The following CDH1 variants were observed in gnomAD, a reference collection of about 807,000 sequenced individuals.
CDH1 encodes the protein cadherin 1, also known as cadherin-1.
In CDH1, 35 loss-of-function variants were observed where a neutral mutation model predicts 84.5. The ratio of observed to expected loss-of-function variants is 0.41; its 90% confidence interval spans 0.32 to 0.55. The LOEUF is 0.55. CDH1 is among the 20% of genes least tolerant of loss of function. The probability of loss-of-function intolerance (pLI) is 0.19; values close to 1 mark genes in which losing one functional copy is unlikely to be tolerated. For synonymous variants in CDH1, 417 were observed against 439.0 expected (o/e 0.95, Z 0.63); for missense variants, 994 against 1,126.6 (o/e 0.88, Z 1.68).
chr16:68,773,760 G>A (rs1258376176), intron 2 of CDH1, among the ~76,000 whole-genome samples: 1 of 152,198 alleles, frequency 6.6e-6, no homozygotes, highest in Non-Finnish European at 1.5e-5. Flanking sequence ...GATGGGAGGT[G>A]GCACAGCCAA....
At chr16:68,754,140 C>T (rs573452162) in intron 2 of CDH1, among the ~76,000 whole-genome samples, 5 of 142,230 alleles carry the variant, frequency 3.5e-5, no homozygotes, top group Non-Finnish European at 7.7e-5. Flanking sequence ...AAAAATTATT[C>T]GGCAGGGCAC....
intron 2 of CDH1, among the ~76,000 whole-genome samples, chr16:68,798,006 G>T (rs537767231): frequency 1.3e-5 from 2 of 152,116 alleles, no homozygotes; most frequent in East Asian, 3.9e-4. Flanking sequence ...TTGAATCTGG[G>T]AGGCAGAGGT....
At chr16:68,740,356 C>A (rs899071716) in intron 2 of CDH1, among the ~76,000 whole-genome samples, 2 of 152,086 alleles carry the variant, frequency 1.3e-5, no homozygotes, top group East Asian at 3.9e-4. Context: ...AGTATATTTG[C>A]TCTGTGTGCT....
intron 2 of CDH1, among the ~76,000 whole-genome samples, chr16:68,757,267 T>G (rs1394470127): frequency 1.3e-5 from 2 of 152,076 alleles, no homozygotes; most frequent in Non-Finnish European, 2.9e-5. Context: ...TTTTGTATTT[T>G]TAGTAGAGAC....
chr16:68,764,877 C>T (rs1959322918), intron 2 of CDH1, among the ~76,000 whole-genome samples: 2 of 152,186 alleles, frequency 1.3e-5, no homozygotes, highest in Admixed American at 6.5e-5. Context: ...ATCTCTGGCT[C>T]CTAGTGCGGT....
intron 11 of CDH1, among the ~76,000 whole-genome samples, chr16:68,821,331 C>G (rs745593488): frequency 6.6e-6 from 1 of 151,962 alleles, no homozygotes; most frequent in Non-Finnish European, 1.5e-5. Context: ...AAAAACTAGC[C>G]AAGCATGGTG....
At chr16:68,800,329 T>C (rs537295587) in intron 2 of CDH1, among the ~76,000 whole-genome samples, 12 of 152,334 alleles carry the variant, frequency 7.9e-5, no homozygotes, top group Non-Finnish European at 1.6e-4. Flanking sequence ...TTAACCTCTG[T>C]GAGCCTCAGT....
intron 2 of CDH1, among the ~76,000 whole-genome samples, chr16:68,756,671 T>C (rs1963026056): frequency 6.6e-6 from 1 of 152,182 alleles, no homozygotes. Context: ...GAATTTGTGG[T>C]TGTATTTCTT....
At chr16:68,825,734 T>C (rs935059830) in intron 13 of CDH1, among the ~76,000 whole-genome samples, 2 of 151,892 alleles carry the variant, frequency 1.3e-5, no homozygotes, top group Non-Finnish European at 2.9e-5. Context: ...CTAGTCAAAT[T>C]ACATTTCAGT....
intron 2 of CDH1, among the ~76,000 whole-genome samples, chr16:68,752,118 A>C (rs1295705376): frequency 6.6e-6 from 1 of 151,556 alleles, no homozygotes; most frequent in Non-Finnish European, 1.5e-5. Context: ...CGCCTGGCTA[A>C]TTTTTGTATC....
At chr16:68,776,589 G>T (rs1266180370) in intron 2 of CDH1, among the ~76,000 whole-genome samples, 1 of 152,052 alleles carries the variant, frequency 6.6e-6, no homozygotes, top group Non-Finnish European at 1.5e-5. Flanking sequence ...GGCTAGTCTC[G>T]AGTTCCTGGG....
chr16:68,796,835 T>C (rs1173976955), intron 2 of CDH1, among the ~76,000 whole-genome samples: 1 of 152,190 alleles, frequency 6.6e-6, no homozygotes, highest in Non-Finnish European at 1.5e-5. Flanking sequence ...AATATGTTGT[T>C]GTTGTTTTCA....
At chr16:68,791,927 G>A (rs1389824908) in intron 2 of CDH1, among the ~76,000 whole-genome samples, 1 of 151,520 alleles carries the variant, frequency 6.6e-6, no homozygotes, top group Non-Finnish European at 1.5e-5. Flanking sequence ...TATTTTGTTT[G>A]TTTATTTTTT....
rs568366220 is a variant in CDH1, at chr16:68,834,653, T to C, written c.*1154T>C. 1.2e-5 allele frequency: 3 copies of C among 242,006 alleles called. No individual in the cohort carries two copies. The highest frequency in any genetic ancestry group is 2.4e-5 in the Non-Finnish European group (3 of 123,818). 15.0% of individuals were successfully genotyped at this position (242,006 alleles called of 1,614,324 possible). On this transcript the variant is annotated 3_prime_UTR_variant, in exon 16 of 16. Transcript: ENST00000261769. The stretch of plus-strand genomic sequence containing the variant: ...GTCTGGCCACATCTTGACTAGGTAT[T>C]GTCTACTCTGAAGACCTTTAATGGC...
At chr16:68,819,240 G>T (rs1300074932) in intron 10 of CDH1, 40 bp from the exon 11 acceptor site, 3 of 1,613,116 alleles carry the variant, frequency 1.9e-6, no homozygotes, top group Non-Finnish European at 2.5e-6. Flanking sequence ...CATGTTGTTT[G>T]CTGGTCCTAT....
intron 2 of CDH1, among the ~76,000 whole-genome samples, chr16:68,782,304 T>C (rs865793421): frequency 1.8e-4 from 27 of 152,204 alleles, no homozygotes; most frequent in Admixed American, 9.8e-4. Context: ...CACACCCACC[T>C]TGGGGGCACT....
intron 2 of CDH1, among the ~76,000 whole-genome samples, chr16:68,778,748 T>C (rs1597868734): frequency 6.6e-6 from 1 of 152,308 alleles, no homozygotes; most frequent in South Asian, 2.1e-4. Flanking sequence ...TGGTCTGAAC[T>C]CCTGCCCTGT....
intron 2 of CDH1, among the ~76,000 whole-genome samples, chr16:68,789,912 C>T (rs981909804): frequency 4.6e-5 from 7 of 152,120 alleles, no homozygotes; most frequent in East Asian, 3.9e-4. Flanking sequence ...CAAAATTAAC[C>T]GGGCATGGTG....
chr16:68,798,030 G>T (rs1246707064), intron 2 of CDH1, among the ~76,000 whole-genome samples: 3 of 151,814 alleles, frequency 2.0e-5, no homozygotes, highest in African/African-American at 7.3e-5. Flanking sequence ...AGTGAGCCCA[G>T]ATTGCACCAT....
Sources: allele counts gnomAD v4.1 joint callset (sites outside exome capture counted in the v4.1 genomes callset), GRCh38; gene constraint gnomAD v4.1.1; transcripts MANE v1.5; gene names NCBI Gene and HGNC (gene_info 2026-07-23, HGNC 2026-07-21).